HIPK3: variants seen among roughly 807,000 people sequenced by gnomAD.
The protein encoded by HIPK3 is homeodomain-interacting protein kinase 3.
HIPK3 carries 47 observed loss-of-function variants against 124.2 expected under a neutral mutation model. The observed-to-expected ratio is 0.38, with a 90% confidence interval of 0.30 to 0.48. The LOEUF is 0.48. Among genes scored for constraint, HIPK3 ranks in the 20% least tolerant of loss-of-function variants. The probability of loss-of-function intolerance (pLI) is 0.98; values close to 1 mark genes in which losing one functional copy is unlikely to be tolerated. For synonymous variants in HIPK3, 482 were observed against 515.2 expected (o/e 0.94, Z 0.87); for missense variants, 1,286 against 1,454.3 (o/e 0.88, Z 1.88).
intron 14 of HIPK3, among the ~76,000 whole-genome samples, chr11:33,350,667 C>T (rs1393470047): frequency 1.3e-5 from 2 of 151,858 alleles, no homozygotes; most frequent in Non-Finnish European, 2.9e-5. Context: ...GAGTAAGACC[C>T]TATCTCTTAG....
chr11:33,262,543 A>G (rs1209727411), intron 1 of HIPK3, among the ~76,000 whole-genome samples: 1 of 152,202 alleles, frequency 6.6e-6, no homozygotes, highest in Non-Finnish European at 1.5e-5. Context: ...AATTAAAACA[A>G]CTGGATGAAT....
chr11:33,290,012 T>C (rs1851657831), intron 2 of HIPK3, among the ~76,000 whole-genome samples: 2 of 152,228 alleles, frequency 1.3e-5, no homozygotes, highest in Admixed American at 6.5e-5. Context: ...TTTGTATCCA[T>C]TGTGTATATA....
intron 3 of HIPK3, among the ~76,000 whole-genome samples, chr11:33,332,205 T>C (rs1228077931): frequency 6.6e-6 from 1 of 152,228 alleles, no homozygotes; most frequent in Non-Finnish European, 1.5e-5. Context: ...TCTCTTTGGA[T>C]TTTAGATTCT....
chr11:33,350,772 C>G (rs1485161050), intron 14 of HIPK3, among the ~76,000 whole-genome samples: 1 of 152,106 alleles, frequency 6.6e-6, no homozygotes, highest in Non-Finnish European at 1.5e-5. Flanking sequence ...TAATTTTACA[C>G]ATCTTTTTCC....
At chr11:33,348,073 A>G (rs1295721917) in intron 11 of HIPK3, 60 bp downstream of exon 11, 5 of 1,609,474 alleles carry the variant, frequency 3.1e-6, no homozygotes, top group Non-Finnish European at 2.6e-6. Context: ...TGAATTTTGC[A>G]TGTACTCTAA....
chr11:33,270,789 C>G (rs1406148551), intron 1 of HIPK3, among the ~76,000 whole-genome samples: 1 of 151,030 alleles, frequency 6.6e-6, no homozygotes, highest in Non-Finnish European at 1.5e-5. Context: ...AACCCTGTCT[C>G]TAATTAAAAA....
Position 33,354,290 on chromosome 11 carries a change from A to G in HIPK3, c.*722A>G, listed in dbSNP as rs756435967. On this transcript the variant is annotated 3_prime_UTR_variant, in exon 17 of 17. Transcript: ENST00000303296. ...CTGTTTTTTTCCTTATTAAGAGGGC[A>G]GCATGTTTGCTATAGCTGAATTCTG... 1 of 152,640 alleles carries G rather than the reference A, an allele frequency of 6.6e-6. No homozygotes were observed. The highest frequency in any genetic ancestry group is 1.5e-5 in the Non-Finnish European group (1 of 68,038). 9.5% of individuals were successfully genotyped at this position (152,640 alleles called of 1,614,324 possible). A position where few individuals can be genotyped will look rare whatever the true frequency, so the allele number is the denominator to read the frequency against.
chr11:33,280,027 G>A (rs913080541), intron 1 of HIPK3, among the ~76,000 whole-genome samples: 1 of 152,110 alleles, frequency 6.6e-6, no homozygotes, highest in Non-Finnish European at 1.5e-5. Flanking sequence ...GGGAGCTGAG[G>A]GGAGGTGGGG....
chr11:33,347,229 T>G, intron 8 of HIPK3, 64 bp from the exon 9 acceptor site: 1 of 1,450,360 alleles, frequency 6.9e-7, no homozygotes, highest in African/African-American at 1.4e-5. Flanking sequence ...ACATTTAAAA[T>G]AATTGTATAA....
rs1366073140 is a variant in HIPK3, at chr11:33,287,159, A to T, written c.745A>T (p.Ser249Cys). 6.2e-7 allele frequency: 1 copy of T among 1,614,106 alleles called. No individual in the cohort carries two copies. The highest frequency in any genetic ancestry group is 8.5e-7 in the Non-Finnish European group (1 of 1,180,048). ...QIEVSILARLSTENADEYNFV... is the reference protein window; with the variant it reads ...QIEVSILARLCTENADEYNFV... ...AGAAGTGAGCATATTAGCAAGGCTC[A>T]GTACTGAAAATGCTGATGAATATAA... is the stretch of plus-strand genomic sequence containing the variant. The change falls in exon 2 of 17, where the codon AGT becomes TGT. Residue 249 changes from serine to cysteine, a missense_variant. Transcript: ENST00000303296.
At chr11:33,322,556 G>A (rs949822304) in intron 2 of HIPK3, among the ~76,000 whole-genome samples, 2 of 152,136 alleles carry the variant, frequency 1.3e-5, no homozygotes, top group African/African-American at 4.8e-5. Flanking sequence ...CCATAGCCAA[G>A]GGCTCACACC....
At chr11:33,259,623 CTT>C (rs1478293597) in intron 1 of HIPK3, among the ~76,000 whole-genome samples, 1 of 151,924 alleles carries the variant, frequency 6.6e-6, no homozygotes, top group African/African-American at 2.4e-5. Context: ...GTGTAGAGGA[CTT>C]TTATTTCTGA....
chr11:33,349,782 G>A (rs116592853), intron 14 of HIPK3, among the ~76,000 whole-genome samples: 1,554 of 151,940 alleles, frequency 0.01, 30 homozygotes, highest in African/African-American at 0.035. Flanking sequence ...GGGCGGGTGG[G>A]AGGAGATGAA....
chr11:33,342,383 AAG>A (rs1236379055), intron 8 of HIPK3, among the ~76,000 whole-genome samples: 1 of 152,146 alleles, frequency 6.6e-6, no homozygotes, highest in Non-Finnish European at 1.5e-5. Context: ...TTTTGGTCAA[AAG>A]AGTTTTGTCC....
At chr11:33,336,481 GA>G (rs1408075093) in intron 3 of HIPK3, among the ~76,000 whole-genome samples, 1 of 152,104 alleles carries the variant, frequency 6.6e-6, no homozygotes, top group African/African-American at 2.4e-5. Flanking sequence ...TCTCAGTTCA[GA>G]CCCTCTTCAT....
intron 14 of HIPK3, 22 bp from the exon 15 acceptor site, chr11:33,351,586 A>G (rs1853658655): frequency 1.9e-6 from 3 of 1,572,624 alleles, no homozygotes; most frequent in Non-Finnish European, 8.7e-7. Flanking sequence ...TATCACTCAT[A>G]AAAAATGCTT....
chr11:33,331,036 A>G (rs1479814155), intron 3 of HIPK3, among the ~76,000 whole-genome samples: 1 of 151,966 alleles, frequency 6.6e-6, no homozygotes, highest in African/African-American at 2.4e-5. Context: ...GGTGTGTGCC[A>G]CCATGCCTGG....
chr11:33,342,920 T>C (rs1363641543), intron 8 of HIPK3, among the ~76,000 whole-genome samples: 1 of 152,198 alleles, frequency 6.6e-6, no homozygotes, highest in African/African-American at 2.4e-5. Context: ...ACTACTGGAA[T>C]AACTGGACTA....
chr11:33,328,789 T>TAGAA (rs1852885662), intron 3 of HIPK3, among the ~76,000 whole-genome samples, 156 bp downstream of exon 3: 10 of 152,192 alleles, frequency 6.6e-5, no homozygotes, highest in African/African-American at 2.4e-4. Context: ...TTGAAAACTG[T>TAGAA]TTTATAATGC....
Sources: allele counts gnomAD v4.1 joint callset (sites outside exome capture counted in the v4.1 genomes callset), GRCh38; gene constraint gnomAD v4.1.1; transcripts MANE v1.5; gene names NCBI Gene and HGNC (gene_info 2026-07-23, HGNC 2026-07-21).